The following CUX1 variants were observed in gnomAD, a reference collection of about 807,000 sequenced individuals.
CUX1 encodes the protein protein CASP.
In CUX1, 31 loss-of-function variants were observed where a neutral mutation model predicts 158.8. That is an observed-to-expected ratio of 0.20 (90% CI 0.15 to 0.26). The LOEUF is 0.26. Among genes scored for constraint, CUX1 ranks in the 10% least tolerant of loss-of-function variants. CUX1 has a pLI of 1.00. For missense variants in CUX1, 1,589 were observed against 2,014.6 expected (o/e 0.79, Z 4.04); for synonymous variants, 879 against 862.1 (o/e 1.02, Z -0.34).
At chr7:102,023,213 C>G (rs1430120850) in intron 2 of CUX1, among the ~76,000 whole-genome samples, 3 of 151,954 alleles carry the variant, frequency 2.0e-5, no homozygotes, top group Non-Finnish European at 2.9e-5. Context: ...AGACTCCATC[C>G]CCCTCCCCGC....
intron 20 of CUX1, among the ~76,000 whole-genome samples, chr7:102,217,337 G>A (rs782564292): frequency 3.3e-5 from 5 of 152,252 alleles, no homozygotes; most frequent in Non-Finnish European, 7.3e-5. Context: ...GAGCCCAGAG[G>A]GAAAGTGACT....
chr7:102,083,972 G>A lies in CUX1; in HGVS notation c.269-13392G>A, dbSNP rs1005980755. ...GCGATCTCAGCTCAGTGCAACCACC[G>A]CCTCCCAGATTCAAGCAATTCTCCT... is the stretch of plus-strand genomic sequence containing the variant. On this transcript the variant is annotated intron_variant, in intron 4 of 23. Coordinates refer to ENST00000292535, the MANE Select transcript of CUX1 (RefSeq NM_181552.4). Among the ~76,000 whole-genome samples, 11 of 145,760 alleles carry A rather than the reference G, an allele frequency of 7.5e-5. 1 individual carries two copies. Among genetic ancestry groups the A allele is most frequent in the African/African-American group, 2.2e-4 (9 of 40,880 alleles).
chr7:101,862,432 C>T (rs916306115), intron 1 of CUX1, among the ~76,000 whole-genome samples: 3 of 152,092 alleles, frequency 2.0e-5, no homozygotes, highest in Admixed American at 6.6e-5. Context: ...TGGCCTCCTC[C>T]GCCTGCCCTT....
At chr7:102,281,313 T>G (rs961582209) in intron 20 of CUX1, among the ~76,000 whole-genome samples, 1 of 151,900 alleles carries the variant, frequency 6.6e-6, no homozygotes, top group Admixed American at 6.6e-5. Context: ...AATGCTACAG[T>G]GAGCTGTGAC....
chr7:101,993,904 C>CCTCCCA (rs1479549030), intron 2 of CUX1, among the ~76,000 whole-genome samples: 1 of 152,188 alleles, frequency 6.6e-6, no homozygotes, highest in Non-Finnish European at 1.5e-5. Context: ...CCATTCCCAG[C>CCTCCCA]GCTCCTGTTA....
chr7:101,851,067 C>T (rs1028605244), intron 1 of CUX1, among the ~76,000 whole-genome samples: 2 of 152,152 alleles, frequency 1.3e-5, no homozygotes, highest in African/African-American at 2.4e-5. Context: ...TATGACCACA[C>T]CCCTGTACTC....
chr7:102,028,207 T>G, intron 3 of CUX1, 62 bp downstream of exon 3: 1 of 1,561,352 alleles, frequency 6.4e-7, no homozygotes. Flanking sequence ...GTCTTTTTAT[T>G]CACATTAAAG....
At position 102,246,657 on chromosome 7, in the gene CUX1, C is replaced by T. The variant is rs566756339; in HGVS notation, c.3888-1755C>T. Among the ~76,000 whole-genome samples, 7 of 152,172 alleles carry T rather than the reference C, an allele frequency of 4.6e-5. No homozygotes were observed. In the East Asian group the frequency reaches 1.2e-3, roughly 25 times the overall value. ...CAGTCTTGGCTCACTGTAACCTCCACCTCCCAGGTTCAAGAGATTCTCCTG... is the reference window on the plus strand; with the variant it reads ...CAGTCTTGGCTCACTGTAACCTCCATCTCCCAGGTTCAAGAGATTCTCCTG... On this transcript the variant is annotated intron_variant, in intron 23 of 23. Transcript: ENST00000292535.
At chr7:101,830,266 G>T (rs889651723) in intron 1 of CUX1, among the ~76,000 whole-genome samples, 2 of 152,210 alleles carry the variant, frequency 1.3e-5, no homozygotes, top group African/African-American at 2.4e-5. Context: ...CACCACGCAG[G>T]CTTCTGTTCT....
intron 2 of CUX1, among the ~76,000 whole-genome samples, chr7:102,010,564 C>T (rs770843052): frequency 2.0e-5 from 3 of 152,086 alleles, no homozygotes; most frequent in African/African-American, 4.8e-5. Context: ...CTGTAGCTTC[C>T]GGGAAAGGGA....
At chr7:102,093,636 G>A (rs1377845615) in intron 4 of CUX1, among the ~76,000 whole-genome samples, 2 of 152,186 alleles carry the variant, frequency 1.3e-5, no homozygotes, top group Non-Finnish European at 2.9e-5. Context: ...TGGAATTAAC[G>A]AGATAATATT....
intron 2 of CUX1, among the ~76,000 whole-genome samples, chr7:101,955,595 C>T (rs1809673672): frequency 6.6e-6 from 1 of 152,172 alleles, no homozygotes; most frequent in African/African-American, 2.4e-5. Context: ...CAGCTGGGGC[C>T]CCTCTCCTAA....
At chr7:102,015,215 A>T (rs930991133) in intron 2 of CUX1, among the ~76,000 whole-genome samples, 11 of 152,128 alleles carry the variant, frequency 7.2e-5, no homozygotes, top group African/African-American at 2.4e-4. Flanking sequence ...GCAAAAGGAG[A>T]GTGCCTGAGA....
At chr7:102,280,973 A>G in intron 20 of CUX1, 1 of 928,916 alleles carries the variant, frequency 1.1e-6, no homozygotes. Context: ...CCCTGCCAAG[A>G]GTGGCTGTGT....
chr7:102,186,784 A>G (rs4729776), intron 11 of CUX1: 96,991 of 152,018 alleles, frequency 0.64, 32,602 homozygotes, highest in African/African-American at 0.82. Flanking sequence ...CTATAATCCC[A>G]CACTTTGGGA....
intron 23 of CUX1, among the ~76,000 whole-genome samples, chr7:102,245,256 G>A (rs1800681875): frequency 6.6e-6 from 1 of 152,072 alleles, no homozygotes; most frequent in African/African-American, 2.4e-5. Flanking sequence ...TTTTGCCCAG[G>A]CTGGTCTCTA....
At chr7:101,893,313 GTTTTAC>G (rs1801102738) in intron 1 of CUX1, among the ~76,000 whole-genome samples, 1 of 151,188 alleles carries the variant, frequency 6.6e-6, no homozygotes, top group Admixed American at 6.6e-5. Flanking sequence ...TGGCAAGTTT[GTTTTAC>G]TTTTTATTTT....
intron 2 of CUX1, among the ~76,000 whole-genome samples, chr7:101,963,775 C>G (rs1220139641): frequency 6.6e-6 from 1 of 152,076 alleles, no homozygotes; most frequent in East Asian, 1.9e-4. Flanking sequence ...CCTCAGCCTC[C>G]CGATTATCTG....
intron 8 of CUX1, among the ~76,000 whole-genome samples, chr7:102,140,527 T>C (rs1175642972): frequency 6.6e-6 from 1 of 151,146 alleles, no homozygotes; most frequent in African/African-American, 2.4e-5. Flanking sequence ...ATTACAGGCA[T>C]GAGCCACTGC....
Sources: allele counts gnomAD v4.1 joint callset (sites outside exome capture counted in the v4.1 genomes callset), GRCh38; gene constraint gnomAD v4.1.1; transcripts MANE v1.5; gene names NCBI Gene and HGNC (gene_info 2026-07-23, HGNC 2026-07-21).